Variants in ZDHHC17 observed in about 807,000 individuals in gnomAD.
ZDHHC17 encodes palmitoyltransferase ZDHHC17.
A neutral mutation model predicts 90.3 loss-of-function variants in ZDHHC17; 40 were observed. The ratio of observed to expected loss-of-function variants is 0.44; its 90% CI spans 0.34 to 0.58. The LOEUF (loss-of-function observed/expected upper bound fraction) is 0.58. Among genes scored for constraint, ZDHHC17 ranks in the 20% least tolerant of loss-of-function variants. The probability of loss-of-function intolerance (pLI) is 0.01; values close to 1 mark genes in which losing one functional copy is unlikely to be tolerated. For missense variants in ZDHHC17, 614 were observed against 780.8 expected, an observed-to-expected ratio of 0.79 and a Z score of 2.55; for synonymous variants, 235 against 252.4, an observed-to-expected ratio of 0.93 and a Z score of 0.65.
chr12:76,806,967 C>T (rs908901080), intron 3 of ZDHHC17, among the ~76,000 whole-genome samples: 3 of 152,150 alleles, frequency 2.0e-5, no homozygotes, highest in African/African-American at 7.2e-5. Flanking sequence ...AATTTAATTC[C>T]TGAGTCTCAA....
intron 2 of ZDHHC17, among the ~76,000 whole-genome samples, chr12:76,804,047 T>A (rs1952925089): frequency 6.6e-6 from 1 of 152,138 alleles, no homozygotes; most frequent in Non-Finnish European, 1.5e-5. Context: ...CCAGATAGGA[T>A]CATCACAAAA....
At chr12:76,795,596 T>G (rs1952810425) in intron 1 of ZDHHC17, among the ~76,000 whole-genome samples, 1 of 152,202 alleles carries the variant, frequency 6.6e-6, no homozygotes, top group South Asian at 2.1e-4. Context: ...AAAGTGTTAC[T>G]GGCTTAGAAG....
intron 7 of ZDHHC17, among the ~76,000 whole-genome samples, chr12:76,816,887 A>G (rs1365032372): frequency 6.6e-6 from 1 of 152,062 alleles, no homozygotes; most frequent in Non-Finnish European, 1.5e-5. Flanking sequence ...TGGAAACCAT[A>G]AGAGATTGAT....
intron 7 of ZDHHC17, among the ~76,000 whole-genome samples, chr12:76,820,080 A>G (rs1187899227): frequency 6.6e-6 from 1 of 151,988 alleles, no homozygotes; most frequent in African/African-American, 2.4e-5. Flanking sequence ...GATCAGGAAT[A>G]GCTGTATACC....
chr12:76,803,623 A>G (rs554684845), intron 2 of ZDHHC17, among the ~76,000 whole-genome samples: 1 of 152,214 alleles, frequency 6.6e-6, no homozygotes, highest in Non-Finnish European at 1.5e-5. Flanking sequence ...CCATTTGGCC[A>G]TTCCCTTCAC....
chr12:76,780,751 A>G (rs1208527271), intron 1 of ZDHHC17, among the ~76,000 whole-genome samples: 2 of 152,170 alleles, frequency 1.3e-5, no homozygotes, highest in African/African-American at 2.4e-5. Context: ...TCTCTTTGAT[A>G]AACTTCTTCA....
chr12:76,767,469 A>C (rs1186739015), intron 1 of ZDHHC17, among the ~76,000 whole-genome samples: 1 of 152,178 alleles, frequency 6.6e-6, no homozygotes, highest in East Asian at 1.9e-4. Context: ...ATTTTAGGTA[A>C]GATAATCTTA....
chr12:76,769,099 C>T, intron 1 of ZDHHC17: 1 of 426,378 alleles, frequency 2.3e-6, no homozygotes. Context: ...GCTCTTGTTG[C>T]CCAGGCTGAA....
chr12:76,797,000 T>C (rs148991302), intron 1 of ZDHHC17, among the ~76,000 whole-genome samples: 145 of 152,160 alleles, frequency 9.5e-4, no homozygotes, highest in Middle Eastern at 3.4e-3. Context: ...CATGGTGGCT[T>C]ATGCCTGTAA....
chr12:76,803,768 C>G (rs1012336642), intron 2 of ZDHHC17, among the ~76,000 whole-genome samples: 1 of 152,088 alleles, frequency 6.6e-6, no homozygotes, highest in East Asian at 1.9e-4. Context: ...ATTTAAGGCC[C>G]GAAACCAAAT....
At chr12:76,825,792 T>C (rs1427050838) in intron 8 of ZDHHC17, among the ~76,000 whole-genome samples, 3 of 152,066 alleles carry the variant, frequency 2.0e-5, no homozygotes, top group African/African-American at 7.2e-5. Context: ...AGGAAAGCAG[T>C]GTTCATACTC....
intron 1 of ZDHHC17, among the ~76,000 whole-genome samples, chr12:76,775,000 T>TG (rs1313086084): frequency 6.6e-6 from 1 of 152,182 alleles, no homozygotes; most frequent in Non-Finnish European, 1.5e-5. Context: ...TAATTTTTTT[T>TG]ATATTTTTAG....
chr12:76,781,133 C>CA (rs33935444), intron 1 of ZDHHC17, among the ~76,000 whole-genome samples: 22,519 of 92,268 alleles, frequency 0.24, 3,502 homozygotes, highest in Non-Finnish European at 0.29. Flanking sequence ...GACTCCGTCT[C>CA]AAAAAAAAAA....
chr12:76,779,105 T>C (rs1017348201), intron 1 of ZDHHC17, among the ~76,000 whole-genome samples: 1 of 152,214 alleles, frequency 6.6e-6, no homozygotes, highest in South Asian at 2.1e-4. Context: ...CTTCAACATA[T>C]GAGTTTCGGG....
intron 10 of ZDHHC17, among the ~76,000 whole-genome samples, chr12:76,839,642 G>GA (rs149595562): frequency 0.14 from 22,003 of 152,158 alleles, 1,977 homozygotes; most frequent in Non-Finnish European, 0.2. Context: ...ACATTTAAGT[G>GA]AAAACATTGA....
chr12:76,798,490 C>T (rs1341131500), intron 2 of ZDHHC17, among the ~76,000 whole-genome samples: 2 of 151,484 alleles, frequency 1.3e-5, no homozygotes, highest in Admixed American at 6.6e-5. Flanking sequence ...GTGGGAACAT[C>T]ACTTGAGATC....
At chr12:76,815,777 C>T (rs1953079863) in intron 6 of ZDHHC17, 80 bp from the exon 7 acceptor site, 1 of 1,357,572 alleles carries the variant, frequency 7.4e-7, no homozygotes, top group East Asian at 2.7e-5. Context: ...TAAGCATAAT[C>T]AGTTTAGTAT....
intron 3 of ZDHHC17, among the ~76,000 whole-genome samples, chr12:76,807,905 A>G (rs565786386): frequency 6.6e-6 from 1 of 152,230 alleles, no homozygotes; most frequent in South Asian, 2.1e-4. Context: ...CATTTTCAGC[A>G]TTATATATAA....
In ZDHHC17 at chr12:76,851,611, G is replaced by A. The variant is rs553335194; in HGVS notation, c.*626G>A. On this transcript the variant is annotated 3_prime_UTR_variant, in exon 17 of 17. Transcript: ENST00000426126. ...GCAATGCTGATATATTTCTAGTTCAGTGAAATAATTTGTAGTAACCTTACT... is the reference window on the plus strand; with the variant it reads ...GCAATGCTGATATATTTCTAGTTCAATGAAATAATTTGTAGTAACCTTACT... 1 of 152,788 alleles carries A rather than the reference G, an allele frequency of 6.5e-6. No homozygotes were observed. The highest frequency in any genetic ancestry group is 6.5e-5 in the Admixed American group (1 of 15,296). The allele number at this position is 152,788 out of a possible 1,614,324, so 9.5% of individuals were successfully genotyped here.
Sources: gnomAD v4.1 joint callset for allele counts (sites outside exome capture counted in the v4.1 genomes callset) on GRCh38, gnomAD v4.1.1 for gene constraint, MANE v1.5 for transcripts, NCBI Gene and HGNC (gene_info 2026-07-23, HGNC 2026-07-21) for gene names.